Variants in GALNT13 observed in about 807,000 individuals in gnomAD.
The protein encoded by GALNT13 is polypeptide N-acetylgalactosaminyltransferase 13, also known as UDP-GalNAc:polypeptide N-acetylgalactosaminyltransferase 13.
A neutral mutation model predicts 64.2 loss-of-function variants in GALNT13; 28 were observed. The observed-to-expected ratio is 0.44, with a 90% CI of 0.32 to 0.60. The LOEUF (loss-of-function observed/expected upper bound fraction) is 0.60, where lower values mean the gene tolerates loss of function less well. Among genes scored for constraint, GALNT13 ranks in the 20% least tolerant of loss-of-function variants. The pLI, the probability that GALNT13 is intolerant of heterozygous loss-of-function variation, is 0.05. For synonymous variants in GALNT13, 214 were observed against 224.6 expected, an observed-to-expected ratio of 0.95 and a Z score of 0.42; for missense variants, 577 against 669.8, an observed-to-expected ratio of 0.86 and a Z score of 1.53.
intron 3 of GALNT13, among the ~76,000 whole-genome samples, chr2:154,069,991 A>C (rs2105386876): frequency 6.6e-6 from 1 of 152,264 alleles, no homozygotes; most frequent in Non-Finnish European, 1.5e-5. Context: ...TACTAAAATA[A>C]AAGAAAAATT....
the GALNT13 span, among the ~76,000 whole-genome samples, chr2:153,732,820 C>A: frequency 1.6e-3 from 238 of 151,842 alleles, 2 homozygotes; most frequent in Middle Eastern, 0.014. Flanking sequence ...TTGCCTCTAC[C>A]GTAGAGATAG....
intron 9 of GALNT13, among the ~76,000 whole-genome samples, chr2:154,303,992 C>T (rs1261410065): frequency 6.6e-6 from 1 of 151,990 alleles, no homozygotes; most frequent in Non-Finnish European, 1.5e-5. Flanking sequence ...TCCTGACTTC[C>T]AGTGATCCGC....
chr2:154,192,761 G>A (rs1047308888), intron 4 of GALNT13, among the ~76,000 whole-genome samples: 17 of 152,154 alleles, frequency 1.1e-4, no homozygotes, highest in African/African-American at 4.1e-4. Flanking sequence ...GGTTTTCAGA[G>A]TAAAAATCTA....
At chr2:153,296,260 C>G in the GALNT13 span, among the ~76,000 whole-genome samples, 2 of 152,144 alleles carry the variant, frequency 1.3e-5, no homozygotes, top group Non-Finnish European at 1.5e-5. Context: ...TCAACCAACA[C>G]AGGTGCCTGG....
chr2:153,282,851 T>C, the GALNT13 span, among the ~76,000 whole-genome samples: 1 of 152,206 alleles, frequency 6.6e-6, no homozygotes, highest in Non-Finnish European at 1.5e-5. Context: ...TCTTTTTCTT[T>C]TTAATTCCCT....
intron 10 of GALNT13, among the ~76,000 whole-genome samples, chr2:154,407,410 A>T (rs914565099): frequency 1.3e-5 from 2 of 152,132 alleles, no homozygotes; most frequent in Non-Finnish European, 2.9e-5. Flanking sequence ...CAACTTATAT[A>T]ATTTGATCAG....
chr2:153,783,594 G>T, the GALNT13 span, among the ~76,000 whole-genome samples: 1 of 152,052 alleles, frequency 6.6e-6, no homozygotes, highest in African/African-American at 2.4e-5. Context: ...CAAGCTTATA[G>T]GGTTTCGCTG....
chr2:154,064,594 C>G (rs1700363487), intron 3 of GALNT13, among the ~76,000 whole-genome samples: 1 of 152,064 alleles, frequency 6.6e-6, no homozygotes, highest in Non-Finnish European at 1.5e-5. Context: ...ATTTTAGGCC[C>G]TAGCACCCAG....
chr2:154,195,175 A>G (rs935486666), intron 4 of GALNT13, among the ~76,000 whole-genome samples: 1 of 152,098 alleles, frequency 6.6e-6, no homozygotes, highest in African/African-American at 2.4e-5. Flanking sequence ...GAATAAATAC[A>G]TCATCTTAAA....
At chr2:154,331,243 C>G (rs1695151934) in intron 9 of GALNT13, among the ~76,000 whole-genome samples, 1 of 152,026 alleles carries the variant, frequency 6.6e-6, no homozygotes, top group African/African-American at 2.4e-5. Context: ...AGATTATCGT[C>G]TGAAATAATC....
chr2:153,186,379 C>T, the GALNT13 span, among the ~76,000 whole-genome samples: 2 of 152,076 alleles, frequency 1.3e-5, no homozygotes, highest in African/African-American at 4.8e-5. Context: ...TTGATGACAG[C>T]ATAGCAATGG....
intron 4 of GALNT13, among the ~76,000 whole-genome samples, chr2:154,171,093 C>T (rs1685321276): frequency 6.6e-6 from 1 of 152,088 alleles, no homozygotes; most frequent in African/African-American, 2.4e-5. Context: ...CTCTTAGACA[C>T]TCAGCAATGT....
the GALNT13 span, among the ~76,000 whole-genome samples, chr2:153,371,340 G>T: frequency 1.3e-5 from 2 of 152,002 alleles, no homozygotes; most frequent in Admixed American, 6.6e-5. Flanking sequence ...AATATAATAA[G>T]TTAGGAAAGG....
intron 3 of GALNT13, among the ~76,000 whole-genome samples, chr2:154,083,975 G>T (rs1408105401): frequency 1.3e-5 from 2 of 151,920 alleles, no homozygotes; most frequent in Non-Finnish European, 2.9e-5. Context: ...AAGAGAGAAT[G>T]ATCATATCTG....
the GALNT13 span, among the ~76,000 whole-genome samples, chr2:153,763,768 A>G: frequency 6.6e-6 from 1 of 152,218 alleles, no homozygotes; most frequent in Non-Finnish European, 1.5e-5. Flanking sequence ...GGGTAACAGG[A>G]AGAGGTTGGA....
chr2:153,398,972 G>C, the GALNT13 span, among the ~76,000 whole-genome samples: 5 of 114,698 alleles, frequency 4.4e-5, no homozygotes, highest in East Asian at 1.1e-3. Flanking sequence ...CATTGCTTTT[G>C]GTGTTTTGGA....
the GALNT13 span, among the ~76,000 whole-genome samples, chr2:153,156,746 GA>G: frequency 6.6e-6 from 1 of 152,012 alleles, no homozygotes; most frequent in Non-Finnish European, 1.5e-5. Context: ...ACAAACCCTG[GA>G]CTAGGTGTTT....
At chr2:153,722,859 G>A in the GALNT13 span, among the ~76,000 whole-genome samples, 7 of 150,782 alleles carry the variant, frequency 4.6e-5, no homozygotes, top group East Asian at 2.0e-4. Flanking sequence ...ATTCACAGCC[G>A]AATTCTACCA....
intron 8 of GALNT13, among the ~76,000 whole-genome samples, chr2:154,298,563 TTTATATATAAA>T (rs1693113687): frequency 4.0e-5 from 3 of 74,926 alleles, no homozygotes; most frequent in Admixed American, 1.9e-4. Context: ...GTATATATAA[TTTATATATAAA>T]TTGTATATAT....
Sources: gnomAD v4.1 joint callset for allele counts (sites outside exome capture counted in the v4.1 genomes callset) on GRCh38, gnomAD v4.1.1 for gene constraint, MANE v1.5 for transcripts, NCBI Gene and HGNC (gene_info 2026-07-23, HGNC 2026-07-21) for gene names.